Variants in WDR7 observed in about 807,000 individuals in gnomAD.
WDR7 encodes the protein WD repeat domain 7, also known as WD repeat-containing protein 7.
WDR7 carries 46 observed loss-of-function variants against 169.4 expected under a neutral mutation model. The observed-to-expected ratio is 0.27, with a 90% confidence interval of 0.21 to 0.35. The LOEUF (loss-of-function observed/expected upper bound fraction) is 0.35, where lower values mean the gene tolerates loss of function less well. Among genes scored for constraint, WDR7 ranks in the 10% least tolerant of loss-of-function variants. WDR7 has a pLI of 1.00. For missense variants in WDR7, 1,534 were observed against 1,859.3 expected, an observed-to-expected ratio of 0.83 and a Z score of 3.22; for synonymous variants, 612 against 666.8, an observed-to-expected ratio of 0.92 and a Z score of 1.27.
At chr18:56,891,411 G>A (rs2145525021) in intron 21 of WDR7, among the ~76,000 whole-genome samples, 1 of 152,098 alleles carries the variant, frequency 6.6e-6, no homozygotes, top group South Asian at 2.1e-4. Flanking sequence ...CTACCTCACA[G>A]TTATTGTAAG....
At chr18:56,954,866 AG>A (rs1430134388) in intron 25 of WDR7, among the ~76,000 whole-genome samples, 1 of 152,192 alleles carries the variant, frequency 6.6e-6, no homozygotes, top group Non-Finnish European at 1.5e-5. Flanking sequence ...TAGACAGAAC[AG>A]TTAAAAGTCT....
intron 16 of WDR7, among the ~76,000 whole-genome samples, chr18:56,759,211 C>T (rs746287957): frequency 7.9e-5 from 12 of 151,990 alleles, no homozygotes; most frequent in Non-Finnish European, 1.6e-4. Flanking sequence ...ATTGGGGCAC[C>T]TTAACTTGAC....
rs1599258928 is a variant in WDR7 at position 57,027,206 on chromosome 18, A to G, written c.4472A>G (p.Ter1491=). 1 of 1,612,266 alleles carries G rather than the reference A, an allele frequency of 6.2e-7. No individual in the cohort carries two copies. The highest frequency in any genetic ancestry group is 8.5e-7 in the Non-Finnish European group (1 of 1,179,340). ...GGGAAGGAGCACCGCTTCATGGTCTAATGCTGCTGCCTGCCGCCGTGACTG... is the reference window on the plus strand; with the variant it reads ...GGGAAGGAGCACCGCTTCATGGTCTGATGCTGCTGCCTGCCGCCGTGACTG... The part of the protein sequence containing the change: ...HDGKEHRFMV[*] The change falls in exon 28 of 28, where the codon TAA becomes TGA. Residue 1491 remains the stop codon, a stop_retained_variant. Coordinates refer to ENST00000254442, the MANE Select transcript of WDR7 (RefSeq NM_015285.3).
chr18:56,744,833 G>A (rs1029007563), intron 14 of WDR7, among the ~76,000 whole-genome samples: 7 of 152,196 alleles, frequency 4.6e-5, no homozygotes, highest in Non-Finnish European at 2.9e-5. Context: ...AAGAGCAGAT[G>A]TGGGGGAGAT....
At chr18:56,736,226 T>C (rs536857961) in intron 14 of WDR7, among the ~76,000 whole-genome samples, 1 of 152,300 alleles carries the variant, frequency 6.6e-6, no homozygotes, top group South Asian at 2.1e-4. Context: ...TATTCTTCAA[T>C]CCTTGATTAT....
chr18:56,914,493 C>G (rs1259738488), intron 21 of WDR7, among the ~76,000 whole-genome samples: 1 of 152,170 alleles, frequency 6.6e-6, no homozygotes, highest in Non-Finnish European at 1.5e-5. Flanking sequence ...CTAATAGGTG[C>G]TCGAGCTAGA....
intron 2 of WDR7, among the ~76,000 whole-genome samples, chr18:56,675,745 A>G (rs575476331): frequency 6.6e-6 from 1 of 152,150 alleles, no homozygotes; most frequent in East Asian, 1.9e-4. Context: ...ACAATATTGA[A>G]TAGAAGTGGC....
intron 24 of WDR7, 83 bp from the exon 25 acceptor site, chr18:56,939,228 C>A: frequency 1.0e-6 from 1 of 1,003,936 alleles, no homozygotes; most frequent in African/African-American, 1.7e-5. Flanking sequence ...TTTCTATGGG[C>A]AAATGAGGCC....
chr18:56,896,480 G>A lies in WDR7; in HGVS notation c.3526+16315G>A, dbSNP rs182852410. On this transcript the variant is annotated intron_variant, in intron 21 of 27. Transcript: ENST00000254442. ...GTAATTATTACATTGTTACCTTGGT[G>A]CAGGAGAGACCAGCAGACTCACAGA... 2.0e-5 allele frequency among the ~76,000 whole-genome samples: 3 copies of A among 151,954 alleles called. No homozygotes were observed. The East Asian group carries it at 5.8e-4, about 29-fold the overall frequency.
chr18:56,933,895 A>G (rs1286950510), intron 22 of WDR7, among the ~76,000 whole-genome samples: 5 of 152,208 alleles, frequency 3.3e-5, no homozygotes, highest in Admixed American at 3.3e-4. Context: ...CTTCCTCTGT[A>G]GCGTGCCTTC....
chr18:56,947,370 C>T (rs1345474005), intron 25 of WDR7, among the ~76,000 whole-genome samples: 1 of 152,192 alleles, frequency 6.6e-6, no homozygotes, highest in Non-Finnish European at 1.5e-5. Context: ...AAGGCATCAT[C>T]TAGCACTCTA....
At position 56,988,275 on chromosome 18, in the gene WDR7, T is replaced by C. The variant is rs74997636; in HGVS notation, c.4164+25746T>C. Reference sequence around the variant, plus strand: ...GGCATAAGGTTCAGCTGAGTGCTTCTAAACCTCTAGGGGTGTGATTATCTC... The same window carrying C: ...GGCATAAGGTTCAGCTGAGTGCTTCCAAACCTCTAGGGGTGTGATTATCTC... On this transcript the variant is annotated intron_variant, in intron 26 of 27. Transcript: ENST00000254442. Among the ~76,000 whole-genome samples the C allele has an allele frequency of 5.4e-3, 829 of 152,334 alleles. 4 individuals are homozygous for C. The highest frequency in any genetic ancestry group is 0.031 in the Middle Eastern group (9 of 294).
intron 18 of WDR7, among the ~76,000 whole-genome samples, chr18:56,779,836 C>A (rs2145064844): frequency 6.6e-6 from 1 of 152,310 alleles, no homozygotes; most frequent in South Asian, 2.1e-4. Flanking sequence ...ACGGATCACA[C>A]ACACTCATGC....
At chr18:57,013,593 G>A (rs974832711) in intron 26 of WDR7, among the ~76,000 whole-genome samples, 2 of 152,248 alleles carry the variant, frequency 1.3e-5, no homozygotes, top group Non-Finnish European at 2.9e-5. Context: ...TTGGAGAAGA[G>A]AGAAATAGAA....
chr18:56,932,373 C>T (rs1350570729), intron 22 of WDR7, among the ~76,000 whole-genome samples: 1 of 152,152 alleles, frequency 6.6e-6, no homozygotes, highest in Non-Finnish European at 1.5e-5. Context: ...TCCCCCTTAC[C>T]CTATAGCTTC....
chr18:57,034,536 A>G (rs9955319), downstream of WDR7: 32,130 of 152,032 alleles, frequency 0.21, 3,836 homozygotes, highest in Non-Finnish European at 0.27. Flanking sequence ...AGAAGGACCC[A>G]TCACTGGTCG....
chr18:56,798,852 G>T (rs1215088011), intron 19 of WDR7, among the ~76,000 whole-genome samples: 1 of 152,104 alleles, frequency 6.6e-6, no homozygotes, highest in Non-Finnish European at 1.5e-5. Context: ...TATAAACACT[G>T]CATATTTGCA....
chr18:57,024,992 G>C (rs1299672724), intron 27 of WDR7, among the ~76,000 whole-genome samples: 2 of 152,166 alleles, frequency 1.3e-5, no homozygotes, highest in African/African-American at 4.8e-5. Context: ...TATCAAAGTA[G>C]GGATGGCTCA....
intron 20 of WDR7, among the ~76,000 whole-genome samples, chr18:56,865,598 T>C (rs1437064): frequency 0.68 from 102,982 of 151,992 alleles, 37,087 homozygotes; most frequent in East Asian, 0.83. Flanking sequence ...GTTTAATTCA[T>C]ATTTTGAATT....
Sources: gnomAD v4.1 joint callset for allele counts (sites outside exome capture counted in the v4.1 genomes callset) on GRCh38, gnomAD v4.1.1 for gene constraint, MANE v1.5 for transcripts, NCBI Gene and HGNC (gene_info 2026-07-23, HGNC 2026-07-21) for gene names.